The following HACD3 variants were observed in gnomAD, a reference collection of about 807,000 sequenced individuals.
HACD3 encodes 3-hydroxyacyl-CoA dehydratase 3.
HACD3 carries 30 observed loss-of-function variants against 55.2 expected under a neutral mutation model. That is an observed-to-expected ratio of 0.54 (90% confidence interval 0.41 to 0.74). The LOEUF is 0.74. HACD3 is among the 30% of genes least tolerant of loss of function. The pLI, the probability that HACD3 is intolerant of heterozygous loss-of-function variation, is 0.00. For missense variants in HACD3, 363 were observed against 440.1 expected (o/e 0.82, Z 1.57); for synonymous variants, 141 against 151.7 (o/e 0.93, Z 0.52).
chr15:65,554,820 C>G, intron 2 of HACD3, 67 bp from the exon 3 acceptor site: 1 of 1,145,542 alleles, frequency 8.7e-7, no homozygotes, highest in South Asian at 1.3e-5. Flanking sequence ...AAGAACTGCA[C>G]CAAGCTGGCT....
intron 1 of HACD3, among the ~76,000 whole-genome samples, chr15:65,538,959 A>C (rs2071991259): frequency 6.6e-6 from 1 of 152,230 alleles, no homozygotes; most frequent in Non-Finnish European, 1.5e-5. Flanking sequence ...GTTTTTTAGA[A>C]TAATACTGCA....
chr15:65,565,973 T>A (rs1218162083), intron 7 of HACD3: 1 of 152,286 alleles, frequency 6.6e-6, no homozygotes, highest in East Asian at 1.9e-4. Context: ...CCCTAAATCA[T>A]CTCTCTCAAG....
At position 65,576,661 on chromosome 15, in the gene HACD3, C is replaced by T. The variant is rs2072404432; in HGVS notation, c.*282C>T. ...CAACCCTATCTCATGTTCAGTCTGT[C>T]TAATACATGCCAGAGATTTTTTTTT... On this transcript the variant is annotated 3_prime_UTR_variant, in exon 11 of 11. Transcript: ENST00000261875. 1.3e-5 allele frequency: 5 copies of T among 388,688 alleles called. No individual in the cohort carries two copies. The South Asian group carries it at 2.0e-4, about 16-fold the overall frequency. 24.1% of individuals were successfully genotyped at this position (388,688 alleles called of 1,614,324 possible).
At chr15:65,533,162 C>G (rs1304131661) in intron 1 of HACD3, among the ~76,000 whole-genome samples, 2 of 152,148 alleles carry the variant, frequency 1.3e-5, no homozygotes, top group African/African-American at 4.8e-5. Context: ...AATAACACAC[C>G]CGTAGTTAAA....
intron 1 of HACD3, among the ~76,000 whole-genome samples, chr15:65,533,537 C>T (rs2071923548): frequency 6.6e-6 from 1 of 152,064 alleles, no homozygotes; most frequent in South Asian, 2.1e-4. Context: ...GCCTTTGTCT[C>T]ATTTTATGAG....
intron 2 of HACD3, among the ~76,000 whole-genome samples, chr15:65,554,420 T>C (rs1347858786): frequency 6.6e-6 from 1 of 152,134 alleles, no homozygotes; most frequent in Non-Finnish European, 1.5e-5. Flanking sequence ...CCCCACACAT[T>C]TTAACAGGAC....
intron 3 of HACD3, among the ~76,000 whole-genome samples, chr15:65,556,413 C>T (rs957552209): frequency 5.3e-5 from 8 of 152,084 alleles, no homozygotes; most frequent in Non-Finnish European, 1.0e-4. Flanking sequence ...GAATCTTGTG[C>T]CAATGCTGAT....
At chr15:65,556,590 T>G (rs2072192458) in intron 3 of HACD3, 149 bp from the exon 4 acceptor site, 1 of 798,428 alleles carries the variant, frequency 1.3e-6, no homozygotes, top group Non-Finnish European at 1.9e-6. Flanking sequence ...AGACCCCTGG[T>G]CTAGATGTTC....
chr15:65,530,560 C>T lies in HACD3; in HGVS notation c.-72C>T. 1.4e-6 allele frequency: 2 copies of T among 1,392,972 alleles called. No homozygotes were observed. Among genetic ancestry groups the T allele is most frequent in the Non-Finnish European group, 2.0e-6 (2 of 1,015,754 alleles). 86.3% of individuals were successfully genotyped at this position (1,392,972 alleles called of 1,614,324 possible). A position where few individuals can be genotyped will look rare whatever the true frequency, so the allele number is the denominator to read the frequency against. On this transcript the variant is annotated 5_prime_UTR_variant, in exon 1 of 11. Transcript: ENST00000261875. ...GGGTTTGAGGCCTGCTTTCTGCTCG[C>T]GCCAGCAGAGCACTACCTGAGGCAG...
chr15:65,555,291 A>C (rs902804202), intron 3 of HACD3, among the ~76,000 whole-genome samples: 1 of 152,206 alleles, frequency 6.6e-6, no homozygotes, highest in African/African-American at 2.4e-5. Flanking sequence ...TAGTGATGGC[A>C]GAGGAATATG....
At chr15:65,537,947 AAAAAAAAAAAAATATAT>A (rs2071974038) in intron 1 of HACD3, among the ~76,000 whole-genome samples, 7 of 63,054 alleles carry the variant, frequency 1.1e-4, no homozygotes, top group African/African-American at 3.0e-4. Flanking sequence ...AAAAAAAAAA[AAAAAAAAAAAAATATAT>A]ATATATATAT....
At chr15:65,574,620 A>G (rs2072383149) in intron 10 of HACD3, 1 of 152,340 alleles carries the variant, frequency 6.6e-6, no homozygotes, top group South Asian at 2.1e-4. Context: ...GACTTATACC[A>G]TAGTATTAGG....
At chr15:65,560,041 T>C (rs1463679246) in intron 5 of HACD3, among the ~76,000 whole-genome samples, 2 of 151,792 alleles carry the variant, frequency 1.3e-5, no homozygotes, top group Admixed American at 1.3e-4. Context: ...AGGATAAGGC[T>C]GTGTTGTTTT....
intron 5 of HACD3, among the ~76,000 whole-genome samples, chr15:65,560,581 T>C (rs1201651076): frequency 6.6e-6 from 1 of 152,134 alleles, no homozygotes; most frequent in Non-Finnish European, 1.5e-5. Context: ...GAGGATCTTT[T>C]AGGCCAGGAG....
chr15:65,572,191 G>T, intron 9 of HACD3, 44 bp from the exon 10 acceptor site: 2 of 1,604,846 alleles, frequency 1.2e-6, no homozygotes, highest in Non-Finnish European at 1.7e-6. Context: ...CATTAAATGT[G>T]ACTGTTTCAT....
chr15:65,542,857 C>T (rs548612824), intron 1 of HACD3, among the ~76,000 whole-genome samples: 4 of 151,980 alleles, frequency 2.6e-5, no homozygotes, highest in Admixed American at 2.0e-4. Context: ...GGGCAGATGA[C>T]GAGGTCAAGA....
At chr15:65,544,437 G>A (rs2072053579) in intron 1 of HACD3, among the ~76,000 whole-genome samples, 1 of 152,174 alleles carries the variant, frequency 6.6e-6, no homozygotes, top group Non-Finnish European at 1.5e-5. Context: ...ACATAGGTGG[G>A]TTGTGTCAAT....
chr15:65,547,186 G>C (rs1040584408), intron 1 of HACD3, among the ~76,000 whole-genome samples: 1 of 151,724 alleles, frequency 6.6e-6, no homozygotes, highest in African/African-American at 2.4e-5. Context: ...GCCTGATCTC[G>C]GCTCACTGCA....
intron 8 of HACD3, among the ~76,000 whole-genome samples, 193 bp downstream of exon 8, chr15:65,570,396 A>T (rs1332063391): frequency 1.3e-5 from 2 of 152,216 alleles, no homozygotes; most frequent in Non-Finnish European, 2.9e-5. Context: ...TTGGATCATA[A>T]TACCAGACTG....
Sources: allele counts gnomAD v4.1 joint callset (sites outside exome capture counted in the v4.1 genomes callset), GRCh38; gene constraint gnomAD v4.1.1; transcripts MANE v1.5; gene names NCBI Gene and HGNC (gene_info 2026-07-23, HGNC 2026-07-21).